Variants in ZNF529 observed in about 807,000 individuals in gnomAD.
The protein encoded by ZNF529 is zinc finger protein 529.
Under a neutral mutation model 10.1 loss-of-function variants are expected in ZNF529, and 11 were observed. The observed-to-expected ratio is 1.09, with a 90% CI of 0.69 to 1.81. The LOEUF (loss-of-function observed/expected upper bound fraction) is 1.81, where lower values mean the gene tolerates loss of function less well. ZNF529 is among the 40% of genes most tolerant of loss of function. The pLI is 0.00. For missense variants in ZNF529, 624 were observed against 666.8 expected (o/e 0.94, Z 0.71); for synonymous variants, 204 against 215.7 (o/e 0.95, Z 0.47).
rs1281140790 is a variant in ZNF529, at chr19:36,555,587, C to T, written c.108+517G>A. Reference sequence around the variant, plus strand: ...CTGGGATTACAGGCGTGAGCCACCGCGCCCGGCCGCGATAAAGTTTTTAGT... The same window carrying T: ...CTGGGATTACAGGCGTGAGCCACCGTGCCCGGCCGCGATAAAGTTTTTAGT... On this transcript the variant is annotated intron_variant, in intron 3 of 4. Transcript: ENST00000591340. Among the ~76,000 whole-genome samples, 2 of 25,568 alleles carry T rather than the reference C, an allele frequency of 7.8e-5. 1 individual carries two copies. The highest frequency in any genetic ancestry group is 5.1e-4 in the Admixed American group (2 of 3,944). The allele number at this position is 25,568 out of a possible 152,430, so 16.8% of individuals were successfully genotyped here.
At chr19:36,576,934 G>T (rs531711493), upstream of ZNF529, among the ~76,000 whole-genome samples, 20 of 151,286 alleles carry the variant, frequency 1.3e-4, no homozygotes, top group Non-Finnish European at 2.5e-4. Context: ...GTTTACTAGT[G>T]AGTGATTCTA....
upstream of ZNF529, among the ~76,000 whole-genome samples, chr19:36,575,218 CTG>C (rs541963004): frequency 7.2e-4 from 109 of 152,284 alleles, no homozygotes; most frequent in African/African-American, 2.5e-3. Context: ...CTGAAGAACT[CTG>C]TGTGTCTGGT....
intron 1 of ZNF529, among the ~76,000 whole-genome samples, chr19:36,591,310 A>G (rs1311910480): frequency 3.9e-5 from 6 of 151,926 alleles, no homozygotes; most frequent in East Asian, 1.9e-4. Flanking sequence ...AAAAAAAAAA[A>G]AAAGAAAATA....
chr19:36,562,833 G>GA lies in ZNF529; in HGVS notation c.15-6637dup, dbSNP rs35402563. 7.0e-3 allele frequency among the ~76,000 whole-genome samples: 830 copies of GA among 118,390 alleles called. 22 individuals carry two copies. The highest frequency in any genetic ancestry group is 0.043 in the Admixed American group (473 of 11,128). 77.7% of individuals were successfully genotyped at this position (118,390 alleles called of 152,430 possible). ...GCGACAGAGCAACACTCTGTCTCCA[G>GA]AAAAAAAAAAAAAAAAAGAAGGTGG... is the stretch of plus-strand genomic sequence containing the variant. On this transcript the variant is annotated intron_variant, in intron 2 of 4. Transcript: ENST00000591340.
intron 2 of ZNF529, among the ~76,000 whole-genome samples, chr19:36,557,962 A>G (rs2035544419): frequency 6.6e-6 from 1 of 151,918 alleles, no homozygotes; most frequent in African/African-American, 2.4e-5. Flanking sequence ...TGTTGCATCA[A>G]AAAGAGAATA....
chr19:36,561,957 C>T (rs940547702), intron 2 of ZNF529, among the ~76,000 whole-genome samples: 11 of 152,152 alleles, frequency 7.2e-5, no homozygotes, highest in Admixed American at 2.6e-4. Context: ...CTGTCCTGGC[C>T]GGGTGCAGTG....
intron 4 of ZNF529, among the ~76,000 whole-genome samples, chr19:36,550,645 CT>C (rs2035225322): frequency 6.6e-6 from 1 of 152,092 alleles, no homozygotes; most frequent in Non-Finnish European, 1.5e-5. Context: ...GAAAACATTT[CT>C]AACTGACATC....
intron 4 of ZNF529, among the ~76,000 whole-genome samples, chr19:36,550,269 A>T (rs900430034): frequency 6.6e-6 from 1 of 152,250 alleles, no homozygotes; most frequent in Non-Finnish European, 1.5e-5. Context: ...GGCTGGGTGC[A>T]GTGGCTGTAA....
At chr19:36,588,942 CTT>C (rs11352017) in intron 2 of ZNF529, among the ~76,000 whole-genome samples, 3,649 of 139,224 alleles carry the variant, frequency 0.026, 59 homozygotes, top group East Asian at 0.073. Context: ...AGAACCCCAT[CTT>C]TTTTTTTTTT....
intron 4 of ZNF529, among the ~76,000 whole-genome samples, chr19:36,551,670 T>A (rs1473275854): frequency 6.6e-6 from 1 of 152,172 alleles, no homozygotes; most frequent in Admixed American, 6.5e-5. Context: ...GAATGACAAA[T>A]TGAAACACAC....
chr19:36,589,193 A>G (rs1211566877), intron 2 of ZNF529, among the ~76,000 whole-genome samples: 1 of 152,082 alleles, frequency 6.6e-6, no homozygotes, highest in African/African-American at 2.4e-5. Context: ...GTGATCCTCC[A>G]GCCATGAGCC....
chr19:36,568,492 C>A (rs1183332103), intron 2 of ZNF529, among the ~76,000 whole-genome samples: 1 of 142,182 alleles, frequency 7.0e-6, no homozygotes, highest in Non-Finnish European at 1.5e-5. Context: ...TTTTTTTTTA[C>A]ACAGAGTCTC....
chr19:36,558,978 T>C (rs1465555729), intron 2 of ZNF529, among the ~76,000 whole-genome samples: 2 of 150,070 alleles, frequency 1.3e-5, no homozygotes, highest in South Asian at 2.1e-4. Context: ...AAGAACCTGA[T>C]AGACATTTTT....
chr19:36,582,572 GCAGGCGCCGCCTGTAGTCCCAGCTACTC>G (rs1322359998), intron 2 of ZNF529: 1 of 152,002 alleles, frequency 6.6e-6, no homozygotes, highest in Admixed American at 6.6e-5. Context: ...AGGAGTTGTG[GCAGGCGCCGCCTGTAGTCCCAGCTACTC>G]GGGAGGCTGA....
At chr19:36,577,284 G>A (rs1227973635), upstream of ZNF529, 2 of 390,506 alleles carry the variant, frequency 5.1e-6, no homozygotes, top group East Asian at 7.9e-5. Flanking sequence ...AGTAGAATAG[G>A]TAGATCACAT....
At chr19:36,557,024 A>G (rs2035502096) in intron 2 of ZNF529, among the ~76,000 whole-genome samples, 1 of 152,182 alleles carries the variant, frequency 6.6e-6, no homozygotes, top group South Asian at 2.1e-4. Flanking sequence ...AAGACATTCT[A>G]TTGTCAGAAC....
Position 36,548,045 on chromosome 19 carries a change from A to G in ZNF529, c.513T>C (p.Tyr171=), listed in dbSNP as rs755097378. The G allele has an allele frequency of 4.6e-5, 74 of 1,613,814 alleles. No homozygotes were observed. In the Admixed American group the frequency reaches 1.1e-3, roughly 25 times the overall value. ...PRRTHDSEKP[Y]EYKEYEKVFS... The stretch of plus-strand genomic sequence containing the variant: ...AGACCTTCTCATATTCCTTGTATTC[A>G]TAGGGCTTCTCACTGTCATGAGTTC... The change falls in exon 5 of 5, where the codon TAT becomes TAC. Residue 171 remains tyrosine, a synonymous_variant. Coordinates refer to ENST00000591340, the MANE Select transcript of ZNF529 (RefSeq NM_020951.5).
At chr19:36,583,478 G>A (rs1342065215) in intron 2 of ZNF529, among the ~76,000 whole-genome samples, 1 of 151,396 alleles carries the variant, frequency 6.6e-6, no homozygotes, top group Non-Finnish European at 1.5e-5. Flanking sequence ...TCTTAATCCA[G>A]GGCACATGAA....
At chr19:36,596,655 T>G (rs2036847166) in intron 1 of ZNF529, among the ~76,000 whole-genome samples, 1 of 151,966 alleles carries the variant, frequency 6.6e-6, no homozygotes, top group Non-Finnish European at 1.5e-5. Flanking sequence ...TAGCTGGGAT[T>G]ATAGGTGTGT....
Sources: gnomAD v4.1 joint callset for allele counts (sites outside exome capture counted in the v4.1 genomes callset) on GRCh38, gnomAD v4.1.1 for gene constraint, MANE v1.5 for transcripts, NCBI Gene and HGNC (gene_info 2026-07-23, HGNC 2026-07-21) for gene names.